The following SMOC2 variants were observed in gnomAD, a reference collection of about 807,000 sequenced individuals.
The protein encoded by SMOC2 is SPARC related modular calcium binding 2.
A neutral mutation model predicts 61.4 loss-of-function variants in SMOC2; 39 were observed. The observed-to-expected ratio is 0.64, with a 90% confidence interval of 0.49 to 0.83. SMOC2 has a LOEUF of 0.83. Among genes scored for constraint, SMOC2 ranks in the 40% least tolerant of loss-of-function variants. The pLI is 0.00. For synonymous variants in SMOC2, 247 were observed against 239.9 expected (o/e 1.03, Z -0.27); for missense variants, 556 against 592.9 (o/e 0.94, Z 0.65).
In SMOC2 at chr6:168,629,253, G is replaced by C. The variant is rs1368072782; in HGVS notation, c.907+21014G>C. On this transcript the variant is annotated intron_variant, in intron 9 of 12. Coordinates refer to ENST00000356284, the MANE Select transcript of SMOC2 (RefSeq NM_001166412.2). ...TGCAAGGTGCAAGCCTTGGCTTCAG[G>C]GTCTCCGACAGGTCCTCATCGCCCC... 2.0e-5 allele frequency among the ~76,000 whole-genome samples: 3 copies of C among 152,204 alleles called. No homozygotes were observed. In the East Asian group the frequency reaches 5.8e-4, roughly 29 times the overall value.
At chr6:168,462,694 G>A (rs1161637318) in intron 1 of SMOC2, among the ~76,000 whole-genome samples, 1 of 152,144 alleles carries the variant, frequency 6.6e-6, no homozygotes, top group Non-Finnish European at 1.5e-5. Context: ...TATTTAGGGA[G>A]GAAGAATAGT....
intron 8 of SMOC2, among the ~76,000 whole-genome samples, chr6:168,606,084 G>A (rs548227288): frequency 7.2e-5 from 11 of 152,166 alleles, no homozygotes; most frequent in South Asian, 2.1e-4. Context: ...AATTTAACAC[G>A]CATAAGTAAA....
rs61248003 is a variant in SMOC2 at position 168,464,493 on chromosome 6, GA to G, written c.84+23046del. On this transcript the variant is annotated intron_variant, in intron 1 of 12. Coordinates refer to ENST00000356284, the MANE Select transcript of SMOC2 (RefSeq NM_001166412.2). ...AAAGGGTAGACAGGTTCTCCAATAA[GA>G]AAAAAACATTTTGGGATCAAGTGAT... Among the ~76,000 whole-genome samples the G allele has an allele frequency of 4.2e-3, 643 of 151,840 alleles. 2 individuals carry two copies. The highest frequency in any genetic ancestry group is 0.015 in the African/African-American group (608 of 41,412).
intron 9 of SMOC2, among the ~76,000 whole-genome samples, chr6:168,641,400 A>G (rs1461606631): frequency 6.6e-6 from 1 of 152,186 alleles, no homozygotes; most frequent in Non-Finnish European, 1.5e-5. Flanking sequence ...ACCTTCATTC[A>G]AAAGCTCCTT....
At chr6:168,597,416 G>A (rs1338964994) in intron 7 of SMOC2, among the ~76,000 whole-genome samples, 1 of 152,150 alleles carries the variant, frequency 6.6e-6, no homozygotes, top group Non-Finnish European at 1.5e-5. Context: ...TTTTAGCATT[G>A]GAAAAATTAT....
At chr6:168,487,767 T>TA (rs1229522915) in intron 1 of SMOC2, among the ~76,000 whole-genome samples, 1 of 152,156 alleles carries the variant, frequency 6.6e-6, no homozygotes, top group Admixed American at 6.5e-5. Context: ...CCTCCCAAAG[T>TA]ACTGGGATTA....
intron 1 of SMOC2, among the ~76,000 whole-genome samples, chr6:168,466,251 G>A (rs1050422701): frequency 3.3e-5 from 5 of 151,558 alleles, no homozygotes; most frequent in African/African-American, 1.2e-4. Flanking sequence ...TGCTCTGGAT[G>A]AAGCGAGGTG....
chr6:168,535,875 C>T lies in SMOC2; in HGVS notation c.464-7750C>T, dbSNP rs576914986. On this transcript the variant is annotated intron_variant, in intron 4 of 12. Transcript: ENST00000356284. The surrounding 1 kb of genome is among the most constrained non-coding windows in gnomAD (Gnocchi z 4.6). ...GTGATGCAGCTTCACGGCACAGGGG[C>T]GCCGCCGGGGGAAGATGGGAGGGAG... 1.3e-5 allele frequency among the ~76,000 whole-genome samples: 2 copies of T among 152,272 alleles called. No homozygotes were observed. The highest frequency in any genetic ancestry group is 2.1e-4 in the South Asian group (1 of 4,818).
intron 9 of SMOC2, among the ~76,000 whole-genome samples, chr6:168,631,084 G>A (rs1015547293): frequency 1.1e-4 from 17 of 152,080 alleles, no homozygotes; most frequent in Admixed American, 1.3e-4. Flanking sequence ...ACACCTATTC[G>A]CACACTCCCT....
At chr6:168,565,965 A>C (rs1784532313) in intron 7 of SMOC2, among the ~76,000 whole-genome samples, 1 of 152,246 alleles carries the variant, frequency 6.6e-6, no homozygotes, top group African/African-American at 2.4e-5. Context: ...AGACAAAGTG[A>C]GAATTTCCCC....
At chr6:168,615,015 C>T (rs149549485) in intron 9 of SMOC2, among the ~76,000 whole-genome samples, 13 of 50,630 alleles carry the variant, frequency 2.6e-4, no homozygotes, top group Non-Finnish European at 4.0e-4. Context: ...CTCTTCATAC[C>T]TACAGCCAGC....
chr6:168,491,533 A>C (rs1782471558), intron 1 of SMOC2, among the ~76,000 whole-genome samples: 1 of 152,192 alleles, frequency 6.6e-6, no homozygotes, highest in Admixed American at 6.5e-5. Flanking sequence ...TTCAGCTGTA[A>C]GATCCTCCTG....
intron 7 of SMOC2, among the ~76,000 whole-genome samples, chr6:168,556,361 G>A (rs1367638003): frequency 6.6e-6 from 1 of 152,178 alleles, no homozygotes; most frequent in Non-Finnish European, 1.5e-5. Context: ...AGCTTTTAAG[G>A]GGAGTCCGGC....
At chr6:168,566,531 G>A (rs1199070145) in intron 7 of SMOC2, among the ~76,000 whole-genome samples, 5 of 139,666 alleles carry the variant, frequency 3.6e-5, no homozygotes, top group African/African-American at 1.4e-4. Context: ...TGCCCAGGCT[G>A]GAGTGCAATG....
intron 8 of SMOC2, among the ~76,000 whole-genome samples, chr6:168,599,603 ACACACCCACACACACT>A (rs1785470196): frequency 1.6e-4 from 9 of 57,258 alleles, no homozygotes; most frequent in South Asian, 6.6e-4. Flanking sequence ...ACATACCCCC[ACACACCCACACACACT>A]CATACCACAC....
rs1028114633 is a variant in SMOC2 at position 168,667,228 on chromosome 6, T to A, written c.*790T>A. The A allele has an allele frequency of 7.9e-5, 12 of 152,200 alleles. No homozygotes were observed. Among genetic ancestry groups the A allele is most frequent in the Admixed American group, 5.9e-4 (9 of 15,276 alleles). 9.4% of individuals were successfully genotyped at this position (152,200 alleles called of 1,614,324 possible). A position where few individuals can be genotyped will look rare whatever the true frequency, so the allele number is the denominator to read the frequency against. ...CCATCCTTCCAAAATGTAAATCCAGTCGCGGTGTGACCGAGCTGGCTAACA... is the reference window on the plus strand; with the variant it reads ...CCATCCTTCCAAAATGTAAATCCAGACGCGGTGTGACCGAGCTGGCTAACA... On this transcript the variant is annotated 3_prime_UTR_variant, in exon 13 of 13. Transcript: ENST00000356284.
chr6:168,562,066 A>G (rs374425284), intron 7 of SMOC2, among the ~76,000 whole-genome samples: 77 of 9,604 alleles, frequency 8.0e-3, no homozygotes, highest in Middle Eastern at 0.062. Context: ...CCTGAGACAC[A>G]AGGCTCTCAC....
intron 8 of SMOC2, among the ~76,000 whole-genome samples, chr6:168,605,358 C>G (rs1305329056): frequency 6.6e-6 from 1 of 152,104 alleles, no homozygotes; most frequent in South Asian, 2.1e-4. Context: ...GGCAGAGAAC[C>G]TGGTATCTGA....
chr6:168,582,386 G>C (rs9295071), intron 7 of SMOC2, among the ~76,000 whole-genome samples: 45,956 of 152,004 alleles, frequency 0.3, 7,145 homozygotes, highest in African/African-American at 0.35. Context: ...GTGAGTGCGT[G>C]TGTGAGCACT....
Sources: allele counts gnomAD v4.1 joint callset (sites outside exome capture counted in the v4.1 genomes callset), GRCh38; gene constraint gnomAD v4.1.1; non-coding constraint Gnocchi (gnomAD v3.1); transcripts MANE v1.5; gene names NCBI Gene and HGNC (gene_info 2026-07-23, HGNC 2026-07-21).